Variants in CNBD1 observed in about 807,000 individuals in gnomAD.
The protein encoded by CNBD1 is cyclic nucleotide binding domain containing 1, also known as cyclic nucleotide-binding domain-containing protein 1.
CNBD1 carries 71 observed loss-of-function variants against 54.4 expected under a neutral mutation model. The observed-to-expected ratio is 1.30, with a 90% CI of 1.08 to 1.59. CNBD1 has a LOEUF of 1.59. CNBD1 is among the 40% of genes most tolerant of loss of function. The pLI is 0.00. For missense variants in CNBD1, 659 were observed against 518.0 expected (o/e 1.27, Z -2.64); for synonymous variants, 182 against 170.7 (o/e 1.07, Z -0.51).
intron 8 of CNBD1, among the ~76,000 whole-genome samples, chr8:87,301,814 C>T (rs1251936579): frequency 2.6e-5 from 4 of 152,122 alleles, no homozygotes; most frequent in East Asian, 3.9e-4. Context: ...ATATCACCAC[C>T]AATCCCACAG....
intron 2 of CNBD1, among the ~76,000 whole-genome samples, chr8:87,403,644 C>A (rs1428989338): frequency 6.6e-6 from 1 of 151,838 alleles, no homozygotes; most frequent in Non-Finnish European, 1.5e-5. Context: ...GGGAGGCACT[C>A]ATTAAAGGGA....
chr8:87,035,351 C>T (rs7012451), intron 4 of CNBD1, among the ~76,000 whole-genome samples: 131,356 of 152,108 alleles, frequency 0.86, 57,182 homozygotes, highest in African/African-American at 0.97. Flanking sequence ...CAATGTTCAA[C>T]ATTAGATTGG....
At chr8:87,185,096 T>A (rs922233918) in intron 4 of CNBD1, among the ~76,000 whole-genome samples, 3 of 152,168 alleles carry the variant, frequency 2.0e-5, no homozygotes, top group Admixed American at 1.3e-4. Flanking sequence ...CTTTGTATGA[T>A]TTTTACAAAT....
intron 10 of CNBD1, among the ~76,000 whole-genome samples, chr8:87,356,593 A>G (rs1332712306): frequency 6.6e-6 from 1 of 151,330 alleles, no homozygotes; most frequent in Non-Finnish European, 1.5e-5. Context: ...TGCATCCAAC[A>G]ACGTACAATC....
chr8:87,059,800 A>G lies in CNBD1; in HGVS notation c.431+120046A>G, dbSNP rs761060372. Among the ~76,000 whole-genome samples the G allele has an allele frequency of 2.6e-5, 4 of 152,340 alleles. No homozygotes were observed. In the South Asian group the frequency reaches 8.3e-4, roughly 32 times the overall value. On this transcript the variant is annotated intron_variant, in intron 4 of 10. Coordinates refer to ENST00000518476, the MANE Select transcript of CNBD1 (RefSeq NM_173538.3). ...GCACAGCCAGACCATATCAGGCCAC[A>G]TGGCAGTGCACTGTTGGTGACCTCT...
intron 4 of CNBD1, among the ~76,000 whole-genome samples, chr8:86,974,172 G>T (rs1808287994): frequency 6.6e-6 from 1 of 151,880 alleles, no homozygotes. Flanking sequence ...TTCATAAGTA[G>T]TCAAGGAAAT....
intron 2 of CNBD1, among the ~76,000 whole-genome samples, chr8:87,412,420 A>G (rs949418851): frequency 2.6e-5 from 4 of 152,108 alleles, no homozygotes; most frequent in African/African-American, 4.8e-5. Flanking sequence ...AAATGTCAGA[A>G]TAAAAGAAAT....
intron 10 of CNBD1, among the ~76,000 whole-genome samples, chr8:87,382,014 A>G (rs1484629639): frequency 6.6e-6 from 1 of 152,008 alleles, no homozygotes; most frequent in African/African-American, 2.4e-5. Flanking sequence ...TCTTACCATG[A>G]TAATATAACA....
At chr8:87,029,455 A>G (rs1425822299) in intron 4 of CNBD1, among the ~76,000 whole-genome samples, 3 of 152,320 alleles carry the variant, frequency 2.0e-5, no homozygotes, top group Admixed American at 6.5e-5. Context: ...TTGTGTAGTT[A>G]TGTCACATAG....
At chr8:87,411,416 A>ATATATATATATATATATATATG (rs1807740989) in intron 2 of CNBD1, among the ~76,000 whole-genome samples, 2 of 140,788 alleles carry the variant, frequency 1.4e-5, no homozygotes, top group Non-Finnish European at 1.5e-5. Context: ...ATATATATAT[A>ATATATATATATATATATATATG]TATATATATA....
At chr8:86,976,380 T>C (rs1035576796) in intron 4 of CNBD1, among the ~76,000 whole-genome samples, 1 of 151,936 alleles carries the variant, frequency 6.6e-6, no homozygotes, top group African/African-American at 2.4e-5. Context: ...TTTAAGTCTT[T>C]AATCCATTTT....
At chr8:86,945,059 G>A (rs576712125) in intron 4 of CNBD1, among the ~76,000 whole-genome samples, 3 of 152,220 alleles carry the variant, frequency 2.0e-5, no homozygotes, top group Admixed American at 2.0e-4. Context: ...GTATTTGATT[G>A]CAGTGCTTAT....
chr8:87,312,969 C>T (rs1809300438), intron 8 of CNBD1, among the ~76,000 whole-genome samples: 1 of 151,898 alleles, frequency 6.6e-6, no homozygotes, highest in South Asian at 2.1e-4. Flanking sequence ...ATTGTTCTGC[C>T]TAAATTTCGC....
At chr8:87,268,020 G>A (rs1389663864) in intron 6 of CNBD1, among the ~76,000 whole-genome samples, 2 of 152,070 alleles carry the variant, frequency 1.3e-5, no homozygotes, top group Admixed American at 6.6e-5. Flanking sequence ...CAAATTGCGT[G>A]TTGCTGAGTC....
At chr8:87,305,347 A>T (rs1033189565) in intron 8 of CNBD1, among the ~76,000 whole-genome samples, 1 of 152,108 alleles carries the variant, frequency 6.6e-6, no homozygotes, top group African/African-American at 2.4e-5. Context: ...ACAATCTACA[A>T]ATCAATGCAC....
intron 4 of CNBD1, among the ~76,000 whole-genome samples, chr8:87,011,265 C>T (rs1265663682): frequency 6.7e-6 from 1 of 148,432 alleles, no homozygotes; most frequent in Non-Finnish European, 1.5e-5. Context: ...TAGATTGTAT[C>T]CTCTTAGGTT....
chr8:87,158,082 TTG>T (rs1333428766), intron 4 of CNBD1, among the ~76,000 whole-genome samples: 1 of 152,118 alleles, frequency 6.6e-6, no homozygotes, highest in African/African-American at 2.4e-5. Flanking sequence ...TAAGGAGTTA[TTG>T]TGTACAAAGT....
chr8:86,999,829 G>T (rs1335136941), intron 4 of CNBD1, among the ~76,000 whole-genome samples: 2 of 152,280 alleles, frequency 1.3e-5, no homozygotes, highest in South Asian at 2.1e-4. Context: ...GCTCTTCAAA[G>T]CATCAGTGTT....
chr8:87,226,672 A>C (rs1044274255), intron 5 of CNBD1, among the ~76,000 whole-genome samples: 1 of 151,786 alleles, frequency 6.6e-6, no homozygotes, highest in Non-Finnish European at 1.5e-5. Flanking sequence ...TATGTGGTCA[A>C]TTTTGGAATA....
Sources: gnomAD v4.1 joint callset for allele counts (sites outside exome capture counted in the v4.1 genomes callset) on GRCh38, gnomAD v4.1.1 for gene constraint, MANE v1.5 for transcripts, NCBI Gene and HGNC (gene_info 2026-07-23, HGNC 2026-07-21) for gene names.